The following SEM1 variants were observed in gnomAD, a reference collection of about 807,000 sequenced individuals.
The protein encoded by SEM1 is SEM1 26S proteasome subunit.
SEM1 carries 3 observed loss-of-function variants against 12.7 expected under a neutral mutation model. The observed-to-expected ratio is 0.24, with a 90% CI of 0.11 to 0.61. The LOEUF is 0.61. SEM1 is among the 20% of genes least tolerant of loss of function. The pLI, the probability that SEM1 is intolerant of heterozygous loss-of-function variation, is 0.88. For missense variants in SEM1, 59 were observed against 81.3 expected (o/e 0.73, Z 1.06); for synonymous variants, 30 against 27.8 (o/e 1.08, Z -0.25).
chr7:96,701,263 C>A (rs1458938464), intron 1 of SEM1, among the ~76,000 whole-genome samples: 2 of 151,280 alleles, frequency 1.3e-5, no homozygotes, highest in Non-Finnish European at 2.9e-5. Context: ...CCCAAAAATT[C>A]TTATGTTGAA....
At chr7:96,616,322 T>C (rs1003537207) in intron 2 of SEM1, among the ~76,000 whole-genome samples, 8 of 152,228 alleles carry the variant, frequency 5.3e-5, no homozygotes, top group Admixed American at 5.2e-4. Flanking sequence ...TCATGTTTCT[T>C]GGCCACTTGT....
chr7:96,516,121 G>A (rs770396034), intron 2 of SEM1, among the ~76,000 whole-genome samples: 14 of 151,876 alleles, frequency 9.2e-5, no homozygotes, highest in Non-Finnish European at 2.1e-4. Flanking sequence ...AGACCTAAAT[G>A]GAAAGTGCAA....
chr7:96,578,190 GAC>G (rs142562550), intron 2 of SEM1, among the ~76,000 whole-genome samples: 5,733 of 151,318 alleles, frequency 0.038, 345 homozygotes, highest in African/African-American at 0.13. Context: ...ATTGGGGAAA[GAC>G]ACAATTCAAA....
chr7:96,518,355 A>T (rs997577275), intron 2 of SEM1, among the ~76,000 whole-genome samples: 9 of 152,196 alleles, frequency 5.9e-5, no homozygotes, highest in African/African-American at 2.2e-4. Context: ...TTAATATATA[A>T]AGTCCATGTG....
chr7:96,675,987 C>T (rs1227038758), intron 2 of SEM1, among the ~76,000 whole-genome samples: 2 of 152,190 alleles, frequency 1.3e-5, no homozygotes, highest in African/African-American at 4.8e-5. Flanking sequence ...CTGTTGCAGG[C>T]AACCAAGAAC....
chr7:96,498,763 A>G (rs185067280), upstream of SEM1, among the ~76,000 whole-genome samples: 3 of 152,298 alleles, frequency 2.0e-5, no homozygotes, highest in East Asian at 5.8e-4. Context: ...TCTTATTTAT[A>G]GCGTCGAGGA....
In SEM1 at chr7:96,709,842, T is replaced by C. The variant is rs866731462; in HGVS notation, c.-79A>G. 10 of 1,331,666 alleles carry C rather than the reference T, an allele frequency of 7.5e-6. No individual in the cohort carries two copies. Among genetic ancestry groups the C allele is most frequent in the Middle Eastern group, 3.7e-4 (2 of 5,440 alleles). 82.5% of individuals were successfully genotyped at this position (1,331,666 alleles called of 1,614,324 possible). ...ACTCTTCCTCAAGGAAACGCCACCG[T>C]CACTACCGCCTCCGACGCTGACGCT... is the stretch of plus-strand genomic sequence containing the variant. On this transcript the variant is annotated 5_prime_UTR_variant, in exon 1 of 3. Transcript: ENST00000248566.
At chr7:96,616,043 C>T (rs1003651868) in intron 2 of SEM1, among the ~76,000 whole-genome samples, 4 of 151,966 alleles carry the variant, frequency 2.6e-5, no homozygotes, top group African/African-American at 9.7e-5. Flanking sequence ...ATTTCTTTCC[C>T]ATTGAGTATA....
chr7:96,551,680 G>A (rs1805277633), intron 2 of SEM1, among the ~76,000 whole-genome samples: 2 of 139,076 alleles, frequency 1.4e-5, no homozygotes, highest in South Asian at 2.3e-4. Flanking sequence ...ACTCTAGCCT[G>A]AGCAAGAGGA....
intron 2 of SEM1, among the ~76,000 whole-genome samples, chr7:96,580,670 T>C (rs1806365753): frequency 6.6e-6 from 1 of 151,724 alleles, no homozygotes; most frequent in African/African-American, 2.4e-5. Context: ...TTCTAACTGG[T>C]GTGAGATGGT....
intron 3 of SEM1, among the ~76,000 whole-genome samples, chr7:96,501,962 A>C (rs1803574201): frequency 2.0e-5 from 3 of 152,112 alleles, no homozygotes; most frequent in Admixed American, 6.6e-5. Flanking sequence ...CCCACTTACA[A>C]GTGAGAACAT....
At chr7:96,524,412 G>A (rs1369690778) in intron 2 of SEM1, among the ~76,000 whole-genome samples, 1 of 152,118 alleles carries the variant, frequency 6.6e-6, no homozygotes, top group Non-Finnish European at 1.5e-5. Context: ...TAGCTAGTAA[G>A]ACTGAGGTAC....
At chr7:96,539,683 A>G (rs1365952166) in intron 2 of SEM1, among the ~76,000 whole-genome samples, 2 of 151,766 alleles carry the variant, frequency 1.3e-5, no homozygotes, top group Non-Finnish European at 2.9e-5. Flanking sequence ...ATATCCTTGG[A>G]TAAGCCAGAA....
intron 2 of SEM1, among the ~76,000 whole-genome samples, chr7:96,588,353 AACACACAC>A (rs56655484): frequency 9.4e-4 from 132 of 141,042 alleles, no homozygotes; most frequent in African/African-American, 3.1e-3. Context: ...TCTAAAAACA[AACACACAC>A]ACACACACAC....
At chr7:96,573,606 T>G (rs114195140) in intron 2 of SEM1, among the ~76,000 whole-genome samples, 1,990 of 152,318 alleles carry the variant, frequency 0.013, 38 homozygotes, top group African/African-American at 0.046. Flanking sequence ...CCCTCTCTTC[T>G]ACCTTTTAGG....
At chr7:96,639,636 T>A (rs767082875) in intron 2 of SEM1, among the ~76,000 whole-genome samples, 1 of 151,818 alleles carries the variant, frequency 6.6e-6, no homozygotes, top group Non-Finnish European at 1.5e-5. Flanking sequence ...AGAAATAACA[T>A]AGGAGTAACT....
chr7:96,586,488 C>T (rs1262082591), intron 2 of SEM1, among the ~76,000 whole-genome samples: 2 of 152,212 alleles, frequency 1.3e-5, no homozygotes, highest in Non-Finnish European at 2.9e-5. Flanking sequence ...GTTCTTTACA[C>T]ATGTAATCTC....
intron 2 of SEM1, among the ~76,000 whole-genome samples, chr7:96,626,039 T>C (rs1808052290): frequency 6.6e-6 from 1 of 152,214 alleles, no homozygotes; most frequent in Non-Finnish European, 1.5e-5. Flanking sequence ...ACTCTTTCAG[T>C]TATTTTAAAA....
intron 2 of SEM1, among the ~76,000 whole-genome samples, chr7:96,527,348 T>C (rs915622821): frequency 6.6e-5 from 10 of 152,060 alleles, no homozygotes; most frequent in Non-Finnish European, 1.5e-4. Context: ...GGGTAAACGG[T>C]GTCACTTCTA....
Sources: gnomAD v4.1 joint callset for allele counts (sites outside exome capture counted in the v4.1 genomes callset) on GRCh38, gnomAD v4.1.1 for gene constraint, MANE v1.5 for transcripts, NCBI Gene and HGNC (gene_info 2026-07-23, HGNC 2026-07-21) for gene names.